Variants in MAPRE2 observed in about 807,000 individuals in gnomAD.
MAPRE2 encodes microtubule associated protein RP/EB family member 2.
Under a neutral mutation model 43.2 loss-of-function variants are expected in MAPRE2, and 13 were observed. The ratio of observed to expected loss-of-function variants is 0.30; its 90% CI spans 0.20 to 0.48. The LOEUF is 0.48. Among genes scored for constraint, MAPRE2 ranks in the 20% least tolerant of loss-of-function variants. MAPRE2 has a pLI of 0.99. For synonymous variants in MAPRE2, 135 were observed against 148.8 expected (o/e 0.91, Z 0.68); for missense variants, 161 against 400.2 (o/e 0.40, Z 5.10).
chr18:35,053,058 G>A (rs1253269975), intron 1 of MAPRE2, among the ~76,000 whole-genome samples: 1 of 145,992 alleles, frequency 6.8e-6, no homozygotes. Context: ...GACTTTTACA[G>A]CAATTAGTTA....
chr18:35,080,120 G>C (rs1907560449), intron 2 of MAPRE2, among the ~76,000 whole-genome samples: 1 of 152,218 alleles, frequency 6.6e-6, no homozygotes, highest in Admixed American at 6.5e-5. Context: ...AAGTTGAATT[G>C]AATTGAAATG....
At chr18:34,994,531 G>C (rs2097025500) in intron 1 of MAPRE2, among the ~76,000 whole-genome samples, 1 of 152,192 alleles carries the variant, frequency 6.6e-6, no homozygotes, top group Admixed American at 6.5e-5. Flanking sequence ...AGAAGGTCCT[G>C]TTCCAAGGAT....
intron 2 of MAPRE2, among the ~76,000 whole-genome samples, chr18:35,025,940 G>A (rs967393348): frequency 6.6e-6 from 1 of 152,158 alleles, no homozygotes; most frequent in Non-Finnish European, 1.5e-5. Flanking sequence ...ATACACGGTG[G>A]GGCATAAGTT....
chr18:35,126,333 T>C (rs1603403714), intron 4 of MAPRE2, among the ~76,000 whole-genome samples: 1 of 152,154 alleles, frequency 6.6e-6, no homozygotes, highest in East Asian at 1.9e-4. Context: ...ACACAAGATA[T>C]CCTAAGCTTA....
At chr18:35,029,728 C>T (rs561822136) in intron 2 of MAPRE2, among the ~76,000 whole-genome samples, 1 of 152,154 alleles carries the variant, frequency 6.6e-6, no homozygotes, top group South Asian at 2.1e-4. Flanking sequence ...GCCCAAGGTG[C>T]CTTTTAATCC....
intron 4 of MAPRE2, among the ~76,000 whole-genome samples, chr18:35,125,048 C>T (rs1407244613): frequency 2.0e-5 from 3 of 152,160 alleles, no homozygotes; most frequent in Non-Finnish European, 4.4e-5. Context: ...TAAGTCTTTC[C>T]CAATTTAACC....
chr18:35,032,564 C>T (rs1022860818), intron 2 of MAPRE2, among the ~76,000 whole-genome samples: 1 of 152,118 alleles, frequency 6.6e-6, no homozygotes, highest in African/African-American at 2.4e-5. Flanking sequence ...GGCCTAAGTT[C>T]TAAGAGAAAC....
At chr18:34,991,192 T>C (rs1477389900) in intron 1 of MAPRE2, among the ~76,000 whole-genome samples, 1 of 152,300 alleles carries the variant, frequency 6.6e-6, no homozygotes, top group East Asian at 1.9e-4. Context: ...TCCTCCCCTC[T>C]CTTCCTCTTC....
intron 2 of MAPRE2, among the ~76,000 whole-genome samples, chr18:35,093,742 AATG>A (rs1908270558): frequency 6.6e-6 from 1 of 152,160 alleles, no homozygotes. Flanking sequence ...AGAGTAGAAT[AATG>A]ATTTCCAGAG....
intron 4 of MAPRE2, among the ~76,000 whole-genome samples, chr18:35,122,264 A>G (rs557512748): frequency 2.0e-5 from 3 of 152,334 alleles, no homozygotes; most frequent in African/African-American, 7.2e-5. Context: ...TGATTTAATG[A>G]GCCCACTTTA....
At chr18:35,062,911 C>T (rs1906606783) in intron 1 of MAPRE2, among the ~76,000 whole-genome samples, 1 of 152,186 alleles carries the variant, frequency 6.6e-6, no homozygotes, top group Admixed American at 6.5e-5. Flanking sequence ...GTGAAGAATG[C>T]ACTGCATGTA....
upstream of MAPRE2, among the ~76,000 whole-genome samples, chr18:35,038,413 G>T (rs2097051797): frequency 6.6e-6 from 1 of 152,212 alleles, no homozygotes; most frequent in South Asian, 2.1e-4. Context: ...ACCTTGCTTG[G>T]TGTTGGGGAG....
At chr18:35,095,843 CT>C (rs373747796) in intron 2 of MAPRE2, among the ~76,000 whole-genome samples, 1,570 of 151,164 alleles carry the variant, frequency 0.01, 14 homozygotes, top group South Asian at 0.017. Flanking sequence ...CCCCCAGTGT[CT>C]TTTTTTTTCC....
chr18:35,018,383 C>T (rs1284027151), intron 2 of MAPRE2, among the ~76,000 whole-genome samples: 2 of 151,914 alleles, frequency 1.3e-5, no homozygotes, highest in Middle Eastern at 3.4e-3. Flanking sequence ...AGAATTGATA[C>T]CAGTTCTTCT....
chr18:34,979,525 A>T (rs534247499), intron 1 of MAPRE2, among the ~76,000 whole-genome samples: 2 of 152,092 alleles, frequency 1.3e-5, no homozygotes, highest in East Asian at 1.9e-4. Flanking sequence ...TTCTGTTAGA[A>T]GGGGAAACAC....
chr18:35,047,511 A>G (rs762366541), intron 1 of MAPRE2, among the ~76,000 whole-genome samples: 8 of 152,188 alleles, frequency 5.3e-5, no homozygotes, highest in Non-Finnish European at 1.2e-4. Context: ...GAATTCTCTC[A>G]AAGTGGAAAC....
intron 1 of MAPRE2, among the ~76,000 whole-genome samples, chr18:35,002,621 A>T (rs1359615404): frequency 1.3e-5 from 2 of 152,032 alleles, no homozygotes; most frequent in Non-Finnish European, 2.9e-5. Context: ...GTATGTTGTG[A>T]TGTCTCATGT....
chr18:35,099,019 G>T (rs796898340), intron 3 of MAPRE2, among the ~76,000 whole-genome samples: 11 of 152,342 alleles, frequency 7.2e-5, no homozygotes, highest in African/African-American at 2.6e-4. Context: ...ACAATGGAAA[G>T]TTCTATGCTT....
intron 2 of MAPRE2, among the ~76,000 whole-genome samples, chr18:35,023,948 G>A (rs150992778): frequency 8.1e-4 from 123 of 152,170 alleles, no homozygotes; most frequent in Middle Eastern, 6.8e-3. Flanking sequence ...AGTATGTACC[G>A]TAATAAGAAT....
Sources: allele counts gnomAD v4.1 joint callset (sites outside exome capture counted in the v4.1 genomes callset), GRCh38; gene constraint gnomAD v4.1.1; transcripts MANE v1.5; gene names NCBI Gene and HGNC (gene_info 2026-07-23, HGNC 2026-07-21).